TXNDC5: variants seen among roughly 807,000 people sequenced by gnomAD.
TXNDC5 encodes thioredoxin domain-containing protein 5.
TXNDC5 carries 44 observed loss-of-function variants against 52.6 expected under a neutral mutation model. The observed-to-expected ratio is 0.84, with a 90% CI of 0.66 to 1.08. The LOEUF is 1.08. Ranked by LOEUF, TXNDC5 falls within the 50% of genes least tolerant of loss-of-function variation. The pLI, the probability that TXNDC5 is intolerant of heterozygous loss-of-function variation, is 0.00. For synonymous variants in TXNDC5, 241 were observed against 234.4 expected (o/e 1.03, Z -0.26); for missense variants, 600 against 565.5 (o/e 1.06, Z -0.62).
chr6:7,898,514 G>A (rs563920771), intron 3 of TXNDC5, among the ~76,000 whole-genome samples: 15 of 152,308 alleles, frequency 9.8e-5, no homozygotes, highest in African/African-American at 3.6e-4. Flanking sequence ...GACCACCACA[G>A]ACCACCTTCA....
intron 1 of TXNDC5, 118 bp downstream of exon 1, chr6:7,910,396 G>A (rs1398226921): frequency 9.0e-7 from 1 of 1,115,184 alleles, no homozygotes; most frequent in Non-Finnish European, 1.1e-6. Context: ...CACGCACGCC[G>A]CAGACCAGAG....
In TXNDC5 at chr6:7,881,846, T is replaced by C. The variant is rs1004212177; in HGVS notation, c.*1298A>G. The C allele has an allele frequency of 2.0e-5, 3 of 152,234 alleles. No individual in the cohort carries two copies. Among genetic ancestry groups the C allele is most frequent in the African/African-American group, 7.2e-5 (3 of 41,442 alleles). 9.4% of individuals were successfully genotyped at this position (152,234 alleles called of 1,614,324 possible). On this transcript the variant is annotated 3_prime_UTR_variant, in exon 10 of 10. Transcript: ENST00000379757. ...CCAAGTATCCACATCCCCTTGCGTA[T>C]GGGAGGTGGGTGAAGAGTGTTGGAT...
At position 7,884,348 on chromosome 6, in the gene TXNDC5, C is replaced by G. The variant is rs1759879979; in HGVS notation, c.1176+11G>C. The G allele has an allele frequency of 6.2e-7, 1 of 1,613,812 alleles. No homozygotes were observed. The highest frequency in any genetic ancestry group is 8.5e-7 in the Non-Finnish European group (1 of 1,179,892). On this transcript the variant is annotated intron_variant, in intron 9 of 9. Transcript: ENST00000379757. ...CTGAGAGCTCCCATAAGCATCCATC[C>G]AAGTACCCACCGAATACTTGCTGCA... is the stretch of plus-strand genomic sequence containing the variant.
At chr6:7,907,078 G>T (rs1031342024) in intron 1 of TXNDC5, among the ~76,000 whole-genome samples, 5 of 152,086 alleles carry the variant, frequency 3.3e-5, no homozygotes, top group African/African-American at 1.2e-4. Flanking sequence ...ACCTTCAGGG[G>T]ACTTTGATCA....
chr6:7,910,472 A>G, intron 1 of TXNDC5, 42 bp downstream of exon 1: 1 of 1,367,084 alleles, frequency 7.3e-7, no homozygotes. Context: ...CGCCCCGCGA[A>G]GCGCCAAGTG....
intron 2 of TXNDC5, among the ~76,000 whole-genome samples, chr6:7,901,742 C>T (rs1760575154): frequency 2.6e-5 from 4 of 152,216 alleles, no homozygotes; most frequent in Admixed American, 2.0e-4. Flanking sequence ...CAAGCCTCCA[C>T]ATGGGCATTT....
At chr6:7,909,476 C>A (rs1760839431) in intron 1 of TXNDC5, among the ~76,000 whole-genome samples, 1 of 152,178 alleles carries the variant, frequency 6.6e-6, no homozygotes, top group African/African-American at 2.4e-5. Flanking sequence ...GGGATGAGTG[C>A]CAGGGTAGGG....
intron 3 of TXNDC5, 47 bp from the exon 4 acceptor site, chr6:7,895,249 A>G: frequency 6.5e-7 from 1 of 1,549,724 alleles, no homozygotes; most frequent in Non-Finnish European, 8.8e-7. Flanking sequence ...GTGGAGACAC[A>G]GGGAAACCAT....
chr6:7,889,758 T>C (rs1006396486), intron 5 of TXNDC5, among the ~76,000 whole-genome samples, 177 bp from the exon 6 acceptor site: 4 of 152,224 alleles, frequency 2.6e-5, no homozygotes, highest in African/African-American at 9.6e-5. Context: ...TGCTAAAACA[T>C]ACCTGAGCTA....
chr6:7,881,676 A>AAAAAG lies in TXNDC5; in HGVS notation c.*1463_*1467dup, dbSNP rs1561802204. On this transcript the variant is annotated 3_prime_UTR_variant, in exon 10 of 10. Coordinates refer to ENST00000379757, the MANE Select transcript of TXNDC5 (RefSeq NM_030810.5). Reference sequence around the variant, plus strand: ...TCTCTAGGAGGTTGGGTTTTTTTAAAAAAAGAATTATCTGTGAACCATACG... The same window carrying AAAAAG: ...TCTCTAGGAGGTTGGGTTTTTTTAAAAAAAGAAAAGAATTATCTGTGAACCATACG... 1 of 152,154 alleles carries AAAAAG rather than the reference A, an allele frequency of 6.6e-6. No homozygotes were observed. Among genetic ancestry groups the AAAAAG allele is most frequent in the Non-Finnish European group, 1.5e-5 (1 of 68,024 alleles). 9.4% of individuals were successfully genotyped at this position (152,154 alleles called of 1,614,324 possible). A position where few individuals can be genotyped will look rare whatever the true frequency, so the allele number is the denominator to read the frequency against.
chr6:7,900,762 G>A (rs1003237040), intron 2 of TXNDC5, among the ~76,000 whole-genome samples: 1 of 152,172 alleles, frequency 6.6e-6, no homozygotes, highest in South Asian at 2.1e-4. Flanking sequence ...CACAGATGGT[G>A]TCTTCTTGCT....
chr6:7,906,150 G>C (rs1760720718), intron 1 of TXNDC5, among the ~76,000 whole-genome samples: 1 of 151,056 alleles, frequency 6.6e-6, no homozygotes, highest in Non-Finnish European at 1.5e-5. Context: ...CTGAGGCAGA[G>C]GGATCACTTG....
chr6:7,885,883 G>A lies in TXNDC5; in HGVS notation c.1046+78C>T, dbSNP rs551675977. The A allele has an allele frequency of 7.7e-5, 101 of 1,313,600 alleles. No homozygotes were observed. In the African/African-American group the frequency reaches 1.2e-3, roughly 16 times the overall value. 81.4% of individuals were successfully genotyped at this position (1,313,600 alleles called of 1,614,324 possible). A position where few individuals can be genotyped will look rare whatever the true frequency, so the allele number is the denominator to read the frequency against. ...CATGTGCCCAACATTGAGTCTGGAGGGGTGGCAGATGAGCTGAAAAACATG... is the reference window on the plus strand; with the variant it reads ...CATGTGCCCAACATTGAGTCTGGAGAGGTGGCAGATGAGCTGAAAAACATG... On this transcript the variant is annotated intron_variant, in intron 8 of 9. Transcript: ENST00000379757.
At chr6:7,899,790 A>C (rs1395732960) in intron 2 of TXNDC5, 109 bp from the exon 3 acceptor site, 2 of 714,160 alleles carry the variant, frequency 2.8e-6, no homozygotes, top group African/African-American at 1.8e-5. Flanking sequence ...GGCTGCAGCC[A>C]GGCATGTATC....
chr6:7,904,471 G>A, intron 2 of TXNDC5, 103 bp downstream of exon 2: 3 of 1,462,734 alleles, frequency 2.1e-6, no homozygotes, highest in Non-Finnish European at 1.9e-6. Flanking sequence ...GGGACTGCCT[G>A]CTTAAATTTA....
intron 1 of TXNDC5, among the ~76,000 whole-genome samples, chr6:7,906,096 C>G (rs575478612): frequency 4.7e-5 from 7 of 148,046 alleles, no homozygotes; most frequent in African/African-American, 1.9e-4. Context: ...AAAAAATTAG[C>G]CTGGTGTGGT....
intron 9 of TXNDC5, among the ~76,000 whole-genome samples, chr6:7,883,538 A>C: frequency 6.6e-6 from 1 of 152,200 alleles, no homozygotes; most frequent in South Asian, 2.1e-4. Context: ...TTCAGTCTTT[A>C]CTGTGCACAC....
At chr6:7,890,551 C>T (rs1760154775) in intron 5 of TXNDC5, among the ~76,000 whole-genome samples, 1 of 152,020 alleles carries the variant, frequency 6.6e-6, no homozygotes, top group African/African-American at 2.4e-5. Flanking sequence ...AAATTTCATA[C>T]AATAATTAAG....
At chr6:7,883,674 TGAG>T (rs1042318421) in intron 9 of TXNDC5, among the ~76,000 whole-genome samples, 21 of 152,176 alleles carry the variant, frequency 1.4e-4, no homozygotes, top group African/African-American at 5.1e-4. Context: ...AAGATCCTCT[TGAG>T]GATACATGTT....
Sources: gnomAD v4.1 joint callset for allele counts (sites outside exome capture counted in the v4.1 genomes callset) on GRCh38, gnomAD v4.1.1 for gene constraint, MANE v1.5 for transcripts, NCBI Gene and HGNC (gene_info 2026-07-23, HGNC 2026-07-21) for gene names.